The following NMNAT2 variants were observed in gnomAD, a reference collection of about 807,000 sequenced individuals.
NMNAT2 encodes nicotinamide nucleotide adenylyltransferase 2.
NMNAT2 carries 11 observed loss-of-function variants against 41.6 expected under a neutral mutation model. The ratio of observed to expected loss-of-function variants is 0.26; its 90% CI spans 0.17 to 0.44. The LOEUF (loss-of-function observed/expected upper bound fraction) is 0.44, where lower values mean the gene tolerates loss of function less well. NMNAT2 is among the 20% of genes least tolerant of loss of function. NMNAT2 has a pLI of 1.00. For synonymous variants in NMNAT2, 148 were observed against 151.2 expected, an observed-to-expected ratio of 0.98 and a Z score of 0.16; for missense variants, 288 against 407.7, an observed-to-expected ratio of 0.71 and a Z score of 2.53.
Position 183,281,915 on chromosome 1 carries a change from C to T in NMNAT2, c.574+2080G>A, listed in dbSNP as rs534067173. On this transcript the variant is annotated intron_variant, in intron 7 of 10. Coordinates refer to ENST00000287713, the MANE Select transcript of NMNAT2 (RefSeq NM_015039.4). The stretch of plus-strand genomic sequence containing the variant: ...GGAGGCAGCGAGCTCCCTTCCAGCT[C>T]CTCTGGGCTAGCCTCCTTCCCCAGG... 2.0e-5 allele frequency among the ~76,000 whole-genome samples: 3 copies of T among 152,376 alleles called. No homozygotes were observed. In the East Asian group the frequency reaches 5.8e-4, roughly 29 times the overall value.
At chr1:183,371,559 G>A (rs1245013635) in intron 1 of NMNAT2, among the ~76,000 whole-genome samples, 3 of 152,184 alleles carry the variant, frequency 2.0e-5, no homozygotes, top group Admixed American at 2.0e-4. Flanking sequence ...GTGCATGTGT[G>A]AAGGGGGGAG....
chr1:183,397,963 A>G (rs1218350524), intron 1 of NMNAT2, among the ~76,000 whole-genome samples: 1 of 152,248 alleles, frequency 6.6e-6, no homozygotes, highest in African/African-American at 2.4e-5. Context: ...AATATGCCAA[A>G]TGGTAAAGAC....
At chr1:183,355,487 G>A (rs1663164298) in intron 1 of NMNAT2, among the ~76,000 whole-genome samples, 1 of 152,212 alleles carries the variant, frequency 6.6e-6, no homozygotes, top group South Asian at 2.1e-4. Context: ...TGCACATTAA[G>A]GTTTGAGAAC....
chr1:183,324,282 A>G (rs1662413990), intron 1 of NMNAT2, among the ~76,000 whole-genome samples: 1 of 152,228 alleles, frequency 6.6e-6, no homozygotes, highest in African/African-American at 2.4e-5. Flanking sequence ...GAATTCTGAA[A>G]CTGCTGAGAG....
intron 1 of NMNAT2, among the ~76,000 whole-genome samples, chr1:183,356,905 T>C (rs1454719485): frequency 6.6e-6 from 1 of 152,194 alleles, no homozygotes; most frequent in Non-Finnish European, 1.5e-5. Flanking sequence ...TAACTTTTGT[T>C]GTGGCTGCAT....
intron 1 of NMNAT2, among the ~76,000 whole-genome samples, chr1:183,380,818 G>A (rs1185527386): frequency 1.3e-5 from 2 of 152,138 alleles, no homozygotes; most frequent in African/African-American, 4.8e-5. Flanking sequence ...AAAGAAATAC[G>A]GAGAAATGAG....
chr1:183,255,855 G>C (rs1048798402), intron 10 of NMNAT2, among the ~76,000 whole-genome samples: 1 of 151,554 alleles, frequency 6.6e-6, no homozygotes, highest in African/African-American at 2.4e-5. Context: ...TTAGAGACAG[G>C]GTTTCACCAT....
At chr1:183,400,360 C>T (rs375912913) in intron 1 of NMNAT2, among the ~76,000 whole-genome samples, 9 of 152,052 alleles carry the variant, frequency 5.9e-5, no homozygotes, top group South Asian at 2.1e-4. Context: ...TTACAAGGGA[C>T]GTGAAGGACC....
chr1:183,418,272 C>T lies in NMNAT2; in HGVS notation c.-5G>A, dbSNP rs751166154. On this transcript the variant is annotated 5_prime_UTR_variant, in exon 1 of 11. Transcript: ENST00000287713. ...GGTCTTGGTGGTCTCGGTCATGGTG[C>T]AGATGGGTCCTTCGCGGTGGTCTAG... 1 of 1,613,680 alleles carries T rather than the reference C, an allele frequency of 6.2e-7. No homozygotes were observed. The highest frequency in any genetic ancestry group is 1.1e-5 in the South Asian group (1 of 91,058).
At chr1:183,265,767 C>T (rs1006284100) in intron 8 of NMNAT2, among the ~76,000 whole-genome samples, 5 of 152,134 alleles carry the variant, frequency 3.3e-5, no homozygotes, top group African/African-American at 9.7e-5. Flanking sequence ...AATAATGAAC[C>T]CGAAAGATAT....
Position 183,333,446 on chromosome 1 carries a change from G to A in NMNAT2, c.86-39653C>T, listed in dbSNP as rs150484323. ...GATAATCCTGATTATTTAACTTAAG[G>A]ATCCTTATAAGAGGGAGGCTGGATT... On this transcript the variant is annotated intron_variant, in intron 1 of 10. Transcript: ENST00000287713. Among the ~76,000 whole-genome samples the A allele has an allele frequency of 1.7e-4, 26 of 152,302 alleles. No homozygotes were observed. In the East Asian group the frequency reaches 5.0e-3, roughly 29 times the overall value.
At chr1:183,257,812 T>G (rs1198498296) in intron 10 of NMNAT2, among the ~76,000 whole-genome samples, 4 of 151,938 alleles carry the variant, frequency 2.6e-5, no homozygotes, top group African/African-American at 9.7e-5. Context: ...AAACCAACTC[T>G]TCATTTTATT....
At chr1:183,382,641 T>C (rs991668753) in intron 1 of NMNAT2, among the ~76,000 whole-genome samples, 1 of 152,112 alleles carries the variant, frequency 6.6e-6, no homozygotes, top group African/African-American at 2.4e-5. Flanking sequence ...GGAGAAATCA[T>C]CCAAAACTAA....
At chr1:183,253,469 A>G (rs1385542862) in intron 10 of NMNAT2, among the ~76,000 whole-genome samples, 1 of 151,998 alleles carries the variant, frequency 6.6e-6, no homozygotes, top group African/African-American at 2.4e-5. Context: ...ATTTAGCAAA[A>G]ACCCTAAATA....
chr1:183,309,547 G>A (rs12566804), intron 1 of NMNAT2, among the ~76,000 whole-genome samples: 1 of 152,176 alleles, frequency 6.6e-6, no homozygotes, highest in Admixed American at 6.5e-5. Context: ...AAAGTAAAAA[G>A]GCCTACAGTA....
Position 183,252,530 on chromosome 1 carries a change from CAAGT to C in NMNAT2, c.*107_*110del. 1 of 824,372 alleles carries C rather than the reference CAAGT, an allele frequency of 1.2e-6. No homozygotes were observed. Among genetic ancestry groups the C allele is most frequent in the East Asian group, 2.4e-5 (1 of 41,230 alleles). The allele number at this position is 824,372 out of a possible 1,614,324, so 51.1% of individuals were successfully genotyped here. A position where few individuals can be genotyped will look rare whatever the true frequency, so the allele number is the denominator to read the frequency against. On this transcript the variant is annotated 3_prime_UTR_variant, in exon 11 of 11. Coordinates refer to ENST00000287713, the MANE Select transcript of NMNAT2 (RefSeq NM_015039.4). ...CCCACACTATGGGGGGTTAAGTCAG[CAAGT>C]AGGGAAAACAGTCAAGACGAGGAGA...
chr1:183,359,570 G>T (rs1038521726), intron 1 of NMNAT2, among the ~76,000 whole-genome samples: 4 of 152,140 alleles, frequency 2.6e-5, no homozygotes, highest in African/African-American at 4.8e-5. Flanking sequence ...TCTATGCGAG[G>T]TTGTACTGGC....
chr1:183,389,810 A>AGGGAGGG (rs1557897669), intron 1 of NMNAT2, among the ~76,000 whole-genome samples: 4 of 85,492 alleles, frequency 4.7e-5, no homozygotes, highest in East Asian at 1.1e-3. Flanking sequence ...GAAAGAAAGA[A>AGGGAGGG]AGAAAGAAAG....
rs1186159050 is a variant in NMNAT2, at chr1:183,389,736, AAAAGAAAGAAAGAAAGAAAGAAAGAAAG to A, written c.85+28419_85+28446del. Among the ~76,000 whole-genome samples the A allele has an allele frequency of 4.5e-3, 347 of 76,440 alleles. 17 individuals are homozygous for A. The highest frequency in any genetic ancestry group is 6.6e-3 in the African/African-American group (116 of 17,626). The allele number at this position is 76,440 out of a possible 152,430, so 50.1% of individuals were successfully genotyped here. On this transcript the variant is annotated intron_variant, in intron 1 of 10. Coordinates refer to ENST00000287713, the MANE Select transcript of NMNAT2 (RefSeq NM_015039.4). ...GGGCAACAGAGCAAGACCCTGTCAA[AAAAGAAAGAAAGAAAGAAAGAAAGAAAG>A]AAAGAAAGAAAGAAAGAAAGAAAGA...
Sources: gnomAD v4.1 joint callset for allele counts (sites outside exome capture counted in the v4.1 genomes callset) on GRCh38, gnomAD v4.1.1 for gene constraint, MANE v1.5 for transcripts, NCBI Gene and HGNC (gene_info 2026-07-23, HGNC 2026-07-21) for gene names.